ROBO2: variants seen among roughly 807,000 people sequenced by gnomAD.
ROBO2 encodes roundabout homolog 2.
A neutral mutation model predicts 160.8 loss-of-function variants in ROBO2; 53 were observed. That is an observed-to-expected ratio of 0.33 (90% CI 0.26 to 0.41). ROBO2 has a LOEUF of 0.41. Among genes scored for constraint, ROBO2 ranks in the 10% least tolerant of loss-of-function variants. The pLI, the probability that ROBO2 is intolerant of heterozygous loss-of-function variation, is 1.00. For synonymous variants in ROBO2, 664 were observed against 611.7 expected, an observed-to-expected ratio of 1.09 and a Z score of -1.26; for missense variants, 1,577 against 1,722.4, an observed-to-expected ratio of 0.92 and a Z score of 1.49.
intron 2 of ROBO2, among the ~76,000 whole-genome samples, chr3:76,495,491 A>C (rs1325848091): frequency 6.6e-6 from 1 of 152,014 alleles, no homozygotes; most frequent in Admixed American, 6.6e-5. Context: ...GATGAGATTA[A>C]ATGATTAATC....
At chr3:76,472,789 C>A (rs999534636) in intron 2 of ROBO2, among the ~76,000 whole-genome samples, 2 of 152,080 alleles carry the variant, frequency 1.3e-5, no homozygotes, top group Non-Finnish European at 2.9e-5. Flanking sequence ...AGTGTTCAAG[C>A]AAAATAGAGC....
rs190568541 is a variant in ROBO2, at chr3:76,261,548, G to A, written c.109+323946G>A. 1.2e-3 allele frequency among the ~76,000 whole-genome samples: 185 copies of A among 151,830 alleles called. 3 individuals carry two copies. The highest frequency in any genetic ancestry group is 6.8e-3 in the Middle Eastern group (2 of 294). On this transcript the variant is annotated intron_variant, in intron 2 of 26. Transcript: ENST00000487694. The stretch of plus-strand genomic sequence containing the variant: ...ATAACCAACACCCCATCTCCAACAT[G>A]CCCAAGTTGACTCTAAGGGATGAAA...
chr3:76,010,289 T>TA (rs2066156740), intron 2 of ROBO2, among the ~76,000 whole-genome samples: 1 of 152,224 alleles, frequency 6.6e-6, no homozygotes, highest in African/African-American at 2.4e-5. Context: ...GAATATACGT[T>TA]ACTGCCTGCT....
intron 2 of ROBO2, among the ~76,000 whole-genome samples, chr3:76,011,849 A>G (rs1559830310): frequency 6.6e-6 from 1 of 152,154 alleles, no homozygotes; most frequent in Non-Finnish European, 1.5e-5. Context: ...TCAAATGTGT[A>G]TATGTAGACA....
At chr3:76,045,060 A>T (rs1347149566) in intron 2 of ROBO2, among the ~76,000 whole-genome samples, 1 of 151,978 alleles carries the variant, frequency 6.6e-6, no homozygotes, top group Non-Finnish European at 1.5e-5. Flanking sequence ...ATGTTCCAGA[A>T]TTTTGATTTC....
chr3:77,317,382 T>C, intron 2 of ROBO2: 1 of 1,056,988 alleles, frequency 9.5e-7, no homozygotes, highest in Non-Finnish European at 1.4e-6. Flanking sequence ...ATTGTCGGGG[T>C]TCCATTTCTC....
intron 2 of ROBO2, among the ~76,000 whole-genome samples, chr3:76,122,453 A>G (rs1321448915): frequency 6.6e-6 from 1 of 152,034 alleles, no homozygotes; most frequent in African/African-American, 2.4e-5. Context: ...TTATTTCCAG[A>G]TGGTTTTATT....
At chr3:76,216,106 A>G (rs1703505999) in intron 2 of ROBO2, among the ~76,000 whole-genome samples, 1 of 152,222 alleles carries the variant, frequency 6.6e-6, no homozygotes, top group Non-Finnish European at 1.5e-5. Flanking sequence ...AGACAAGCAA[A>G]TGCTGAGAGA....
chr3:76,205,202 A>G (rs996753989), intron 2 of ROBO2, among the ~76,000 whole-genome samples: 6 of 152,202 alleles, frequency 3.9e-5, no homozygotes, highest in Non-Finnish European at 8.8e-5. Flanking sequence ...AAAGTCTTAT[A>G]AAGTTCCTAG....
chr3:76,753,072 G>C (rs1455827282), intron 2 of ROBO2, among the ~76,000 whole-genome samples: 1 of 151,832 alleles, frequency 6.6e-6, no homozygotes, highest in African/African-American at 2.4e-5. Flanking sequence ...CAAAACATAC[G>C]TACACACAAA....
At chr3:76,106,119 G>T (rs1031951199) in intron 2 of ROBO2, among the ~76,000 whole-genome samples, 11 of 152,078 alleles carry the variant, frequency 7.2e-5, no homozygotes, top group African/African-American at 2.4e-4. Context: ...AGTGGGCCCT[G>T]TTTGACTGGT....
At chr3:76,393,552 C>T (rs189742636) in intron 2 of ROBO2, among the ~76,000 whole-genome samples, 7 of 152,070 alleles carry the variant, frequency 4.6e-5, no homozygotes, top group African/African-American at 1.2e-4. Context: ...TGAGTTCTTG[C>T]GTTTATTAGA....
chr3:77,145,903 C>T (rs1003894310), intron 2 of ROBO2, among the ~76,000 whole-genome samples: 1 of 152,100 alleles, frequency 6.6e-6, no homozygotes, highest in African/African-American at 2.4e-5. Context: ...GTCTGAGACG[C>T]CTGGTATCTT....
intron 2 of ROBO2, among the ~76,000 whole-genome samples, chr3:77,029,795 CA>C (rs2063198105): frequency 2.6e-5 from 4 of 152,202 alleles, no homozygotes; most frequent in Admixed American, 2.6e-4. Context: ...TAACTATTAA[CA>C]AAAGACAATA....
chr3:77,067,144 AT>A (rs2066944153), intron 1 of ROBO2, among the ~76,000 whole-genome samples: 1 of 151,902 alleles, frequency 6.6e-6, no homozygotes, highest in South Asian at 2.1e-4. Flanking sequence ...TCTGTACTTG[AT>A]TTTTCGTGAC....
In ROBO2 at chr3:76,127,221, A is replaced by G. The variant is rs566733253; in HGVS notation, c.109+189619A>G. ...TACATCAACCACAATACCAGATACA[A>G]CTCCACCAGTGGTAATTTGGGAGGC... is the stretch of plus-strand genomic sequence containing the variant. On this transcript the variant is annotated intron_variant, in intron 2 of 26. Coordinates refer to the ROBO2 transcript ENST00000487694. Among the ~76,000 whole-genome samples the G allele has an allele frequency of 4.5e-3, 677 of 152,126 alleles. 3 individuals are homozygous for G. Among genetic ancestry groups the G allele is most frequent in the Non-Finnish European group, 6.8e-3 (460 of 68,006 alleles).
rs775716177 is a variant in ROBO2, at chr3:76,379,609, T to A, written c.109+442007T>A. On this transcript the variant is annotated intron_variant, in intron 2 of 26. Coordinates refer to the ROBO2 transcript ENST00000487694. ...AAAACAATATTTAAGATAAAATTTC[T>A]GGTTCAGATAACTTGAAAATTCTGT... Among the ~76,000 whole-genome samples the A allele has an allele frequency of 1.3e-3, 194 of 152,190 alleles. 2 individuals are homozygous for A. The highest frequency in any genetic ancestry group is 1.2e-3 in the Non-Finnish European group (79 of 68,028).
chr3:77,184,927 C>T (rs2081140524), intron 2 of ROBO2, among the ~76,000 whole-genome samples: 1 of 151,954 alleles, frequency 6.6e-6, no homozygotes, highest in African/African-American at 2.4e-5. Flanking sequence ...ATTCTAGCAT[C>T]ATAGATGGCA....
At chr3:76,858,249 C>CAACATAA (rs2070354479) in intron 2 of ROBO2, among the ~76,000 whole-genome samples, 1 of 152,070 alleles carries the variant, frequency 6.6e-6, no homozygotes, top group Admixed American at 6.5e-5. Context: ...ATCACAGTGC[C>CAACATAA]AACATAAAAC....
Sources: allele counts gnomAD v4.1 joint callset (sites outside exome capture counted in the v4.1 genomes callset), GRCh38; gene constraint gnomAD v4.1.1; transcripts MANE v1.5; gene names NCBI Gene and HGNC (gene_info 2026-07-23, HGNC 2026-07-21).